The following ERC2 variants were observed in gnomAD, a reference collection of about 807,000 sequenced individuals.
ERC2 encodes ERC protein 2.
ERC2 carries 42 observed loss-of-function variants against 114.8 expected under a neutral mutation model. That is an observed-to-expected ratio of 0.37 (90% CI 0.29 to 0.47). The LOEUF (loss-of-function observed/expected upper bound fraction) is 0.47. ERC2 is among the 20% of genes least tolerant of loss of function. The pLI, the probability that ERC2 is intolerant of heterozygous loss-of-function variation, is 0.99. For missense variants in ERC2, 939 were observed against 1,150.7 expected, an observed-to-expected ratio of 0.82 and a Z score of 2.66; for synonymous variants, 454 against 425.5, an observed-to-expected ratio of 1.07 and a Z score of -0.82.
At chr3:56,300,011 C>G (rs761126184) in intron 2 of ERC2, among the ~76,000 whole-genome samples, 8 of 152,128 alleles carry the variant, frequency 5.3e-5, no homozygotes, top group Non-Finnish European at 8.8e-5. Flanking sequence ...GGACACATTC[C>G]TTATTGCCCT....
chr3:55,959,726 G>T (rs1344621775), intron 12 of ERC2, among the ~76,000 whole-genome samples: 2 of 152,212 alleles, frequency 1.3e-5, no homozygotes, highest in Non-Finnish European at 2.9e-5. Flanking sequence ...AGAGCACAGG[G>T]TGGTCATGTA....
At chr3:55,856,210 G>A (rs1027127797) in intron 14 of ERC2, among the ~76,000 whole-genome samples, 2 of 152,202 alleles carry the variant, frequency 1.3e-5, no homozygotes, top group Non-Finnish European at 2.9e-5. Flanking sequence ...ACATTAGCCA[G>A]GCAGCAGGCT....
At chr3:55,847,657 G>A (rs567460362) in intron 14 of ERC2, among the ~76,000 whole-genome samples, 4 of 150,662 alleles carry the variant, frequency 2.7e-5, no homozygotes, top group Admixed American at 1.3e-4. Flanking sequence ...ATATGGTGCC[G>A]GGAGGACAGA....
chr3:56,414,805 C>G (rs1312712044), intron 2 of ERC2, among the ~76,000 whole-genome samples: 1 of 152,100 alleles, frequency 6.6e-6, no homozygotes, highest in African/African-American at 2.4e-5. Context: ...TCTCTCCCCC[C>G]AGGTACAGAG....
chr3:55,856,743 A>G (rs1379615791), intron 14 of ERC2, among the ~76,000 whole-genome samples: 1 of 152,232 alleles, frequency 6.6e-6, no homozygotes, highest in Non-Finnish European at 1.5e-5. Flanking sequence ...ATTATTCATA[A>G]TAGCTAAAGA....
At chr3:56,425,368 C>T (rs1229442485) in intron 2 of ERC2, among the ~76,000 whole-genome samples, 1 of 152,010 alleles carries the variant, frequency 6.6e-6, no homozygotes, top group East Asian at 1.9e-4. Flanking sequence ...ACCAAGACCG[C>T]CCACCACACA....
chr3:55,908,205 T>C (rs1183666516), intron 13 of ERC2, among the ~76,000 whole-genome samples: 2 of 152,140 alleles, frequency 1.3e-5, no homozygotes, highest in Admixed American at 6.5e-5. Context: ...AGCAAACATA[T>C]CTGAATTTTC....
intron 11 of ERC2, among the ~76,000 whole-genome samples, chr3:55,988,222 C>T (rs901030192): frequency 6.6e-6 from 1 of 152,190 alleles, no homozygotes; most frequent in Non-Finnish European, 1.5e-5. Context: ...ATATACGTGA[C>T]ATCTGACATT....
intron 2 of ERC2, among the ~76,000 whole-genome samples, chr3:56,303,444 C>A (rs553726528): frequency 6.6e-6 from 1 of 152,182 alleles, no homozygotes; most frequent in African/African-American, 2.4e-5. Context: ...CAGTTTCAAA[C>A]ATGCAGCTCT....
chr3:56,009,352 G>A (rs942704145), intron 9 of ERC2, among the ~76,000 whole-genome samples: 1 of 152,144 alleles, frequency 6.6e-6, no homozygotes, highest in African/African-American at 2.4e-5. Flanking sequence ...AAAGAAATAA[G>A]CTCCTTTCTA....
intron 6 of ERC2, among the ~76,000 whole-genome samples, chr3:56,108,765 A>G (rs1382140690): frequency 1.3e-5 from 2 of 152,146 alleles, no homozygotes; most frequent in Admixed American, 6.5e-5. Context: ...CCATTCTGAA[A>G]AAGCAATTCT....
chr3:56,408,010 G>A (rs1044025644), intron 2 of ERC2, among the ~76,000 whole-genome samples: 2 of 152,186 alleles, frequency 1.3e-5, no homozygotes, highest in Admixed American at 1.3e-4. Context: ...GTCCCTGCAT[G>A]TATATGGCTT....
intron 17 of ERC2, among the ~76,000 whole-genome samples, chr3:55,555,907 T>C (rs1173000221): frequency 6.6e-6 from 1 of 152,156 alleles, no homozygotes. Flanking sequence ...GAGCAGCCCA[T>C]TCAATAATTC....
Position 56,162,558 on chromosome 3 carries a change from T to C in ERC2, c.1149+10888A>G, listed in dbSNP as rs192353549. 2.0e-5 allele frequency among the ~76,000 whole-genome samples: 3 copies of C among 152,276 alleles called. No homozygotes were observed. The East Asian group carries it at 5.8e-4, about 29-fold the overall frequency. ...TTTGTTACTTATTCAATTTTAGAACTCAATATTCGTCTTTTCCGTGTTTCT... is the reference window on the plus strand; with the variant it reads ...TTTGTTACTTATTCAATTTTAGAACCCAATATTCGTCTTTTCCGTGTTTCT... On this transcript the variant is annotated intron_variant, in intron 4 of 17. Coordinates refer to ENST00000288221, the MANE Select transcript of ERC2 (RefSeq NM_015576.3).
chr3:55,626,424 A>G (rs568188834), intron 17 of ERC2, among the ~76,000 whole-genome samples: 21 of 152,228 alleles, frequency 1.4e-4, no homozygotes, highest in Admixed American at 1.1e-3. Flanking sequence ...CCGCTAAAGC[A>G]TATTTGCTGA....
intron 11 of ERC2, among the ~76,000 whole-genome samples, chr3:55,990,662 C>A (rs1346487448): frequency 6.6e-6 from 1 of 152,204 alleles, no homozygotes; most frequent in Non-Finnish European, 1.5e-5. Flanking sequence ...GCCATCCTCT[C>A]ACCTTGGCCT....
chr3:55,648,069 C>T (rs1181703749), intron 17 of ERC2, among the ~76,000 whole-genome samples: 1 of 152,216 alleles, frequency 6.6e-6, no homozygotes, highest in Non-Finnish European at 1.5e-5. Context: ...GAGGCAGGGC[C>T]AGCTGAGCTT....
At chr3:55,945,881 TTGA>T (rs2067093636) in intron 13 of ERC2, among the ~76,000 whole-genome samples, 1 of 152,086 alleles carries the variant, frequency 6.6e-6, no homozygotes, top group Admixed American at 6.6e-5. Context: ...AGGCAATAAA[TTGA>T]AGAGAATTCT....
chr3:56,061,215 A>T (rs2076229819), intron 7 of ERC2, among the ~76,000 whole-genome samples: 1 of 152,216 alleles, frequency 6.6e-6, no homozygotes, highest in South Asian at 2.1e-4. Flanking sequence ...GTTTGCCCAA[A>T]GATGTCTGAG....
Sources: gnomAD v4.1 joint callset for allele counts (sites outside exome capture counted in the v4.1 genomes callset) on GRCh38, gnomAD v4.1.1 for gene constraint, MANE v1.5 for transcripts, NCBI Gene and HGNC (gene_info 2026-07-23, HGNC 2026-07-21) for gene names.